The following DIAPH2 variants were observed in gnomAD, a reference collection of about 807,000 sequenced individuals.
DIAPH2 encodes the protein protein diaphanous homolog 2.
Under a neutral mutation model 92.7 loss-of-function variants are expected in DIAPH2, and 35 were observed. That is an observed-to-expected ratio of 0.38 (90% CI 0.29 to 0.50). The LOEUF is 0.50. Among genes scored for constraint, DIAPH2 ranks in the 20% least tolerant of loss-of-function variants. The pLI is 0.94. For missense variants in DIAPH2, 701 were observed against 819.5 expected (o/e 0.86, Z 1.77); for synonymous variants, 301 against 280.4 (o/e 1.07, Z -0.73).
chrX:96,739,503 G>T (rs1384344754), intron 3 of DIAPH2, among the ~76,000 whole-genome samples: 1 of 111,252 alleles, frequency 9.0e-6, no homozygotes, highest in African/African-American at 3.3e-5. Flanking sequence ...AGTTTCAAAG[G>T]TCGCCTTACA....
intron 25 of DIAPH2, among the ~76,000 whole-genome samples, chrX:97,418,903 G>A (rs2069977342): frequency 9.0e-6 from 1 of 111,684 alleles, no homozygotes; most frequent in South Asian, 3.8e-4. Flanking sequence ...ATTATCTTGT[G>A]TCATTCTTGG....
intron 26 of DIAPH2, among the ~76,000 whole-genome samples, chrX:97,539,049 A>C (rs1438299335): frequency 1.8e-5 from 2 of 112,358 alleles, no homozygotes; most frequent in Admixed American, 9.5e-5. Flanking sequence ...AGAAAGAAGA[A>C]GAAAAAAACA....
chrX:97,461,234 CTTT>C (rs11382843), intron 26 of DIAPH2, among the ~76,000 whole-genome samples: 2 of 97,961 alleles, frequency 2.0e-5, no homozygotes, highest in African/African-American at 7.4e-5. Context: ...ACTAGTTTGT[CTTT>C]TTTTTTTTTT....
intron 26 of DIAPH2, among the ~76,000 whole-genome samples, chrX:97,514,905 C>T (rs2070929874): frequency 1.8e-5 from 2 of 111,508 alleles, no homozygotes; most frequent in Admixed American, 1.9e-4. Context: ...AACCACTGCT[C>T]TCTTCAAAGC....
chrX:96,789,704 T>C (rs2064485257), intron 4 of DIAPH2, among the ~76,000 whole-genome samples: 1 of 111,969 alleles, frequency 8.9e-6, no homozygotes, highest in African/African-American at 3.3e-5. Flanking sequence ...GCATCATTGC[T>C]GAATTCCTTT....
At chrX:97,494,150 C>T (rs868168036) in intron 26 of DIAPH2, among the ~76,000 whole-genome samples, 2 of 101,419 alleles carry the variant, frequency 2.0e-5, no homozygotes, top group Non-Finnish European at 4.0e-5. Context: ...TATATGTATA[C>T]ACACACACAC....
intron 4 of DIAPH2, among the ~76,000 whole-genome samples, chrX:96,862,829 T>G (rs1281936409): frequency 1.8e-5 from 2 of 111,858 alleles, no homozygotes; most frequent in Non-Finnish European, 3.8e-5. Context: ...CCTTGGACTT[T>G]GAGAGAATCC....
chrX:96,888,555 C>A (rs1449756197), intron 5 of DIAPH2, among the ~76,000 whole-genome samples: 2 of 77,112 alleles, frequency 2.6e-5, no homozygotes, highest in Non-Finnish European at 4.7e-5. Context: ...ATATATATAT[C>A]TATATATATA....
chrX:97,281,574 C>T (rs983648512), intron 23 of DIAPH2, among the ~76,000 whole-genome samples: 1 of 110,298 alleles, frequency 9.1e-6, no homozygotes, highest in Non-Finnish European at 1.9e-5. Flanking sequence ...GAAATCCCGT[C>T]TCTACTAAAA....
chrX:96,963,883 T>C (rs1276456724), intron 16 of DIAPH2, among the ~76,000 whole-genome samples: 2 of 110,753 alleles, frequency 1.8e-5, no homozygotes, highest in Admixed American at 9.6e-5. Context: ...TACTTGTTTT[T>C]CTTAGTGAAT....
chrX:97,383,545 T>C (rs944575880), intron 24 of DIAPH2, among the ~76,000 whole-genome samples: 3 of 108,356 alleles, frequency 2.8e-5, no homozygotes, highest in African/African-American at 1.0e-4. Flanking sequence ...ATTTTAACAA[T>C]ACATAAAGTA....
At chrX:96,888,544 GAT>G (rs1223926440) in intron 5 of DIAPH2, among the ~76,000 whole-genome samples, 4 of 91,286 alleles carry the variant, frequency 4.4e-5, no homozygotes, top group African/African-American at 8.2e-5. Flanking sequence ...TATACATACA[GAT>G]ATATATATCT....
intron 23 of DIAPH2, among the ~76,000 whole-genome samples, chrX:97,334,698 A>C (rs1325449196): frequency 9.4e-6 from 1 of 106,689 alleles, no homozygotes; most frequent in Non-Finnish European, 1.9e-5. Flanking sequence ...AAAAAAAAAA[A>C]CAGAGCAGGC....
intron 5 of DIAPH2, chrX:96,884,764 A>G (rs201616178): frequency 8.3e-7 from 1 of 1,207,467 alleles, no homozygotes; most frequent in African/African-American, 1.8e-5. Context: ...AGAGGACATG[A>G]ACGAGTTCAC....
intron 1 of DIAPH2, among the ~76,000 whole-genome samples, chrX:96,718,336 G>GTTT (rs962776012): frequency 9.1e-5 from 1 of 10,993 alleles, no homozygotes; most frequent in Non-Finnish European, 1.4e-4. Flanking sequence ...CATTTTCTTT[G>GTTT]TTTTTTTTTT....
intron 24 of DIAPH2, among the ~76,000 whole-genome samples, chrX:97,379,023 T>C (rs1012454650): frequency 8.9e-6 from 1 of 112,017 alleles, no homozygotes; most frequent in Non-Finnish European, 1.9e-5. Flanking sequence ...GATACTGTAA[T>C]GAACTGAAAG....
intron 9 of DIAPH2, among the ~76,000 whole-genome samples, chrX:96,930,203 A>C (rs2065610480): frequency 9.0e-6 from 1 of 111,098 alleles, no homozygotes; most frequent in Non-Finnish European, 1.9e-5. Context: ...TCTTAATTAT[A>C]TATTTTAATA....
At chrX:97,043,772 G>A (rs2066462652) in intron 17 of DIAPH2, among the ~76,000 whole-genome samples, 1 of 111,715 alleles carries the variant, frequency 9.0e-6, no homozygotes, top group African/African-American at 3.2e-5. Flanking sequence ...CATTTAGAAA[G>A]CTCTAAATTA....
chrX:97,321,787 G>C (rs2068899431), intron 23 of DIAPH2, among the ~76,000 whole-genome samples: 1 of 110,466 alleles, frequency 9.1e-6, no homozygotes, highest in Middle Eastern at 4.2e-3. Context: ...CTGACCTCAT[G>C]ATCCGCCCGC....
Sources: allele counts gnomAD v4.1 joint callset (sites outside exome capture counted in the v4.1 genomes callset), GRCh38; gene constraint gnomAD v4.1.1; transcripts MANE v1.5; gene names NCBI Gene and HGNC (gene_info 2026-07-23, HGNC 2026-07-21).